Variants in TEX14 observed in about 807,000 individuals in gnomAD.
The protein encoded by TEX14 is testis expressed 14, intercellular bridge forming factor, also known as inactive serine/threonine-protein kinase TEX14.
In TEX14, 168 loss-of-function variants were observed where a neutral mutation model predicts 178.6. The observed-to-expected ratio is 0.94, with a 90% CI of 0.83 to 1.07. The LOEUF is 1.07. Ranked by LOEUF, TEX14 falls within the 50% of genes least tolerant of loss-of-function variation. The probability of loss-of-function intolerance (pLI) is 0.00; values close to 1 mark genes in which losing one functional copy is unlikely to be tolerated. For synonymous variants in TEX14, 626 were observed against 634.1 expected (o/e 0.99, Z 0.19); for missense variants, 1,730 against 1,753.6 (o/e 0.99, Z 0.24).
chr17:58,592,173 T>G (rs1466497986), intron 15 of TEX14, among the ~76,000 whole-genome samples: 1 of 151,880 alleles, frequency 6.6e-6, no homozygotes, highest in Non-Finnish European at 1.5e-5. Context: ...TTTTAAAAAT[T>G]GAAAAAAAAT....
intron 26 of TEX14, among the ~76,000 whole-genome samples, chr17:58,566,162 T>C (rs1276240623): frequency 6.6e-6 from 1 of 152,198 alleles, no homozygotes; most frequent in African/African-American, 2.4e-5. Flanking sequence ...TGATCATACA[T>C]AACACTTGCA....
intron 15 of TEX14, among the ~76,000 whole-genome samples, chr17:58,589,557 C>CAA (rs71143254): frequency 2.7e-4 from 15 of 56,452 alleles, no homozygotes; most frequent in East Asian, 9.2e-4. Flanking sequence ...GACTCCGTCT[C>CAA]AAAAAAAAAA....
rs769289054 is a variant in TEX14 at position 58,613,405 on chromosome 17, G to A, written c.1005+16C>T. On this transcript the variant is annotated intron_variant, in intron 9 of 31. Coordinates refer to ENST00000349033, the MANE Select transcript of TEX14 (RefSeq NM_031272.5). ...GGGAGGTCAGCAATGGAAAATCCACGGAAACAGCAGTTTACTCGTTCATGA... is the reference window on the plus strand; with the variant it reads ...GGGAGGTCAGCAATGGAAAATCCACAGAAACAGCAGTTTACTCGTTCATGA... 111 of 1,613,748 alleles carry A rather than the reference G, an allele frequency of 6.9e-5. No homozygotes were observed. Among genetic ancestry groups the A allele is most frequent in the Middle Eastern group, 1.7e-4 (1 of 6,050 alleles).
intron 19 of TEX14, chr17:58,581,838 T>A: frequency 8.1e-7 from 1 of 1,236,662 alleles, no homozygotes; most frequent in Non-Finnish European, 1.1e-6. Context: ...TACCCAGCAG[T>A]CAGTGTGACA....
At position 58,581,723 on chromosome 17, in the gene TEX14, G is replaced by C. The variant is rs761230471; in HGVS notation, c.3172-1992C>G. The C allele has an allele frequency of 3.7e-6, 6 of 1,609,994 alleles. No homozygotes were observed. In the Admixed American group the frequency reaches 1.0e-4, roughly 27 times the overall value. On this transcript the variant is annotated intron_variant, in intron 19 of 31. Coordinates refer to ENST00000349033, the MANE Select transcript of TEX14 (RefSeq NM_031272.5). ...CTCTGGTGAACAAGTTGATTGCATG[G>C]ACTGATGCTATTAATAATGTAGGAA... is the stretch of plus-strand genomic sequence containing the variant.
intron 13 of TEX14, among the ~76,000 whole-genome samples, chr17:58,601,080 C>T (rs1421295508): frequency 2.6e-5 from 4 of 151,288 alleles, no homozygotes; most frequent in Non-Finnish European, 4.4e-5. Context: ...GAGACCTCAT[C>T]TCTAAAAAAA....
At chr17:58,641,763 C>T (rs542979773) in intron 2 of TEX14, among the ~76,000 whole-genome samples, 1 of 152,314 alleles carries the variant, frequency 6.6e-6, no homozygotes, top group African/African-American at 2.4e-5. Context: ...CCTCGGCCTC[C>T]TCCCAAAGTG....
chr17:58,563,996 A>C (rs538618426), intron 28 of TEX14, among the ~76,000 whole-genome samples: 1 of 152,036 alleles, frequency 6.6e-6, no homozygotes, highest in East Asian at 1.9e-4. Flanking sequence ...ATTTAAGAAA[A>C]AAAAAGCCTC....
chr17:58,586,042 C>T lies in TEX14; in HGVS notation c.2829G>A (p.Gln943=). ...GAGGATGCCAAGGAGGTACTGTGAG[C>T]TGTCCAGTAGCTGCTTTCTTTGCCA... The part of the protein sequence containing the change: ...KEMAKKAATG[Q]LTVPPWHPQS... Residue 943 remains glutamine (Q), a synonymous_variant, in exon 18 of 32, where the codon CAG becomes CAA. Transcript: ENST00000349033. 1 of 1,614,048 alleles carries T rather than the reference C, an allele frequency of 6.2e-7. No individual in the cohort carries two copies. Among genetic ancestry groups the T allele is most frequent in the South Asian group, 1.1e-5 (1 of 91,078 alleles).
intron 2 of TEX14, among the ~76,000 whole-genome samples, chr17:58,648,407 A>G (rs2046762181): frequency 6.6e-6 from 1 of 152,004 alleles, no homozygotes; most frequent in South Asian, 2.1e-4. Context: ...TCAGCTACCC[A>G]CTGTGGAGTC....
chr17:58,681,658 T>C (rs1166709630), intron 1 of TEX14, among the ~76,000 whole-genome samples: 2 of 152,056 alleles, frequency 1.3e-5, no homozygotes, highest in Non-Finnish European at 2.9e-5. Flanking sequence ...GAGACCAGCC[T>C]GGCAAACATG....
intron 3 of TEX14, among the ~76,000 whole-genome samples, chr17:58,625,440 T>C (rs2046114088): frequency 6.6e-6 from 1 of 152,138 alleles, no homozygotes; most frequent in African/African-American, 2.4e-5. Flanking sequence ...CAGCCTGTCT[T>C]ACCATCTTCT....
At chr17:58,564,120 G>A (rs1046971693) in intron 28 of TEX14, 1 of 152,150 alleles carries the variant, frequency 6.6e-6, no homozygotes, top group Non-Finnish European at 1.5e-5. Context: ...ATGGAAAATA[G>A]TGTGGCAGTT....
intron 11 of TEX14, among the ~76,000 whole-genome samples, chr17:58,604,195 G>A (rs1053667312): frequency 5.1e-4 from 78 of 151,512 alleles, no homozygotes; most frequent in African/African-American, 1.6e-3. Flanking sequence ...TGCTTCGGCC[G>A]GGCGTGGTGG....
intron 3 of TEX14, among the ~76,000 whole-genome samples, chr17:58,629,850 T>C (rs1359542704): frequency 6.7e-6 from 1 of 148,432 alleles, no homozygotes; most frequent in South Asian, 2.1e-4. Flanking sequence ...AAAAAAAAAA[T>C]AAATAAATAA....
chr17:58,591,205 T>C (rs1475962662), intron 15 of TEX14, among the ~76,000 whole-genome samples: 2 of 152,164 alleles, frequency 1.3e-5, no homozygotes, highest in African/African-American at 4.8e-5. Flanking sequence ...ATTCCCTTCA[T>C]AGGAATAAAA....
chr17:58,622,681 T>C (rs1050433314), intron 4 of TEX14, among the ~76,000 whole-genome samples, 166 bp downstream of exon 4: 1 of 152,196 alleles, frequency 6.6e-6, no homozygotes, highest in Non-Finnish European at 1.5e-5. Context: ...AAAGGTTCAC[T>C]AGACCTGCCG....
chr17:58,680,224 C>T (rs1471624366), intron 1 of TEX14, among the ~76,000 whole-genome samples: 1 of 152,036 alleles, frequency 6.6e-6, no homozygotes, highest in South Asian at 2.1e-4. Flanking sequence ...CTTTCTTGCG[C>T]AGTTAAACAA....
intron 15 of TEX14, 101 bp downstream of exon 15, chr17:58,593,454 G>T: frequency 1.1e-6 from 1 of 871,496 alleles, no homozygotes. Flanking sequence ...ATCACTCACA[G>T]TCCTTTTGTC....
Sources: gnomAD v4.1 joint callset for allele counts (sites outside exome capture counted in the v4.1 genomes callset) on GRCh38, gnomAD v4.1.1 for gene constraint, MANE v1.5 for transcripts, NCBI Gene and HGNC (gene_info 2026-07-23, HGNC 2026-07-21) for gene names.